The following SLC4A1AP variants were observed in gnomAD, a reference collection of about 807,000 sequenced individuals.
SLC4A1AP encodes the protein solute carrier family 4 member 1 adaptor protein, also known as kanadaptin.
SLC4A1AP carries 64 observed loss-of-function variants against 89.7 expected under a neutral mutation model. That is an observed-to-expected ratio of 0.71 (90% confidence interval 0.58 to 0.88). The LOEUF (loss-of-function observed/expected upper bound fraction) is 0.88, where lower values mean the gene tolerates loss of function less well. Among genes scored for constraint, SLC4A1AP ranks in the 40% least tolerant of loss-of-function variants. The pLI, the probability that SLC4A1AP is intolerant of heterozygous loss-of-function variation, is 0.00. For synonymous variants in SLC4A1AP, 366 were observed against 353.3 expected (o/e 1.04, Z -0.40); for missense variants, 931 against 965.0 (o/e 0.96, Z 0.47).
intron 12 of SLC4A1AP, among the ~76,000 whole-genome samples, chr2:27,689,669 A>G (rs1027370611): frequency 1.3e-5 from 2 of 152,228 alleles, no homozygotes; most frequent in Non-Finnish European, 2.9e-5. Context: ...GGCATCTACC[A>G]AAATTCAGAC....
At chr2:27,677,619 A>G (rs1360555220) in intron 7 of SLC4A1AP, 119 bp from the exon 8 acceptor site, 6 of 800,156 alleles carry the variant, frequency 7.5e-6, no homozygotes, top group East Asian at 5.4e-5. Context: ...CCTTATTCCT[A>G]TTACTAGTGA....
At chr2:27,691,164 G>T (rs1205685897) in intron 12 of SLC4A1AP, among the ~76,000 whole-genome samples, 4 of 151,962 alleles carry the variant, frequency 2.6e-5, no homozygotes, top group African/African-American at 9.7e-5. Flanking sequence ...GAATCCTTCT[G>T]GTCCTGGGCT....
exon 13 of SLC4A1AP, chr2:27,693,725 C>T: frequency 1.9e-6 from 3 of 1,612,606 alleles, no homozygotes; most frequent in East Asian, 2.2e-5. Context: ...GAAGATGACC[C>T]AGACTACTGT....
chr2:27,694,606 G>A (rs762153751), intron 13 of SLC4A1AP, 28 bp from the exon 14 acceptor site: 5 of 1,514,782 alleles, frequency 3.3e-6, no homozygotes, highest in South Asian at 2.6e-5. Flanking sequence ...AGTAAATAAT[G>A]TATTTCTTTT....
intron 1 of SLC4A1AP, among the ~76,000 whole-genome samples, 196 bp from the exon 2 acceptor site, chr2:27,664,904 A>T (rs573064351): frequency 5.1e-4 from 63 of 122,996 alleles, no homozygotes; most frequent in African/African-American, 2.6e-3. Flanking sequence ...CCTGTCTCTT[A>T]AAAAAAAAAA....
rs144963294 is a variant in SLC4A1AP, at chr2:27,672,151, C to G, written c.1345+2764C>G. On this transcript the variant is annotated intron_variant, in intron 5 of 13. Coordinates refer to ENST00000613058, the Ensembl canonical transcript of SLC4A1AP. The stretch of plus-strand genomic sequence containing the variant: ...TGTGGGTCTATTTTTCTTCATTTTT[C>G]TGGGTACTTGTTGGATCCTTTTGAT... Among the ~76,000 whole-genome samples the G allele has an allele frequency of 3.8e-3, 578 of 152,094 alleles. 1 individual carries two copies. The highest frequency in any genetic ancestry group is 0.013 in the African/African-American group (558 of 41,504).
chr2:27,670,275 G>A (rs150144614), intron 5 of SLC4A1AP, among the ~76,000 whole-genome samples: 1 of 152,072 alleles, frequency 6.6e-6, no homozygotes, highest in Admixed American at 6.5e-5. Context: ...TGGGATTACA[G>A]GCATGAGCCA....
At chr2:27,667,161 G>A (rs1184790392) in intron 2 of SLC4A1AP, 107 bp from the exon 3 acceptor site, 67 of 1,238,554 alleles carry the variant, frequency 5.4e-5, no homozygotes, top group Non-Finnish European at 6.5e-5. Context: ...GAGCCACTGC[G>A]CCCAGCCTAA....
At chr2:27,678,074 GTAAC>G (rs1251011011) in intron 8 of SLC4A1AP, 150 bp downstream of exon 8, 2 of 525,218 alleles carry the variant, frequency 3.8e-6, no homozygotes, top group Non-Finnish European at 6.4e-6. Context: ...GTTTCATAGA[GTAAC>G]TAAAAACCTG....
At chr2:27,664,291 C>G in exon 1 of SLC4A1AP, 3 of 1,614,222 alleles carry the variant, frequency 1.9e-6, no homozygotes, top group Non-Finnish European at 2.5e-6. Context: ...ATCCTTGGCA[C>G]CCGTAGCTTG....
chr2:27,690,379 C>A (rs1021942457), intron 12 of SLC4A1AP, among the ~76,000 whole-genome samples: 1 of 152,180 alleles, frequency 6.6e-6, no homozygotes, highest in South Asian at 2.1e-4. Context: ...TAGCTTAGCT[C>A]CCACTTATAA....
chr2:27,679,523 A>C (rs1675583253), intron 8 of SLC4A1AP, among the ~76,000 whole-genome samples: 1 of 152,168 alleles, frequency 6.6e-6, no homozygotes, highest in Non-Finnish European at 1.5e-5. Flanking sequence ...AATGGCGTGA[A>C]CCAGGAAGGT....
chr2:27,665,012 C>T lies in SLC4A1AP; in HGVS notation c.826-88C>T, dbSNP rs1675285905. ...GTCAAGGCTGCAGTGAGGTGTATTACAGCCACTGCACTCCAGTCCAGCCTA... is the reference window on the plus strand; with the variant it reads ...GTCAAGGCTGCAGTGAGGTGTATTATAGCCACTGCACTCCAGTCCAGCCTA... On this transcript the variant is annotated intron_variant, in intron 1 of 13. Coordinates refer to ENST00000613058, the Ensembl canonical transcript of SLC4A1AP. 17 of 1,016,336 alleles carry T rather than the reference C, an allele frequency of 1.7e-5. 1 individual carries two copies. In the South Asian group the frequency reaches 2.6e-4, roughly 15 times the overall value. 63.0% of individuals were successfully genotyped at this position (1,016,336 alleles called of 1,614,324 possible). A position where few individuals can be genotyped will look rare whatever the true frequency, so the allele number is the denominator to read the frequency against.
chr2:27,666,052 C>G (rs1484219830), intron 2 of SLC4A1AP, among the ~76,000 whole-genome samples: 2 of 152,002 alleles, frequency 1.3e-5, no homozygotes, highest in African/African-American at 4.8e-5. Flanking sequence ...TTGATGTGTG[C>G]TGTAAATGCA....
chr2:27,677,365 G>GT lies in SLC4A1AP; in HGVS notation c.1576+2dup. 1 of 1,607,334 alleles carries GT rather than the reference G, an allele frequency of 6.2e-7. No homozygotes were observed. The highest frequency in any genetic ancestry group is 8.5e-7 in the Non-Finnish European group (1 of 1,174,160). On this transcript the variant is annotated splice_donor_variant, in intron 7 of 13. Transcript: ENST00000613058. LOFTEE classifies it high-confidence loss of function. ...GAGAGATTGAAAGCCTCAAGCCAAG[G>GT]TAAGTTTTTCATCAAATATTTATTA...
At chr2:27,694,674 T>C (rs1286710071) in exon 14 of SLC4A1AP, 2 of 1,580,746 alleles carry the variant, frequency 1.3e-6, no homozygotes, top group African/African-American at 1.3e-5. Flanking sequence ...ATGACAAGTA[T>C]GGCTATTGAT....
chr2:27,693,798 A>G (rs1370088706), intron 13 of SLC4A1AP, 44 bp downstream of exon 13: 1 of 1,399,686 alleles, frequency 7.1e-7, no homozygotes, highest in East Asian at 2.3e-5. Flanking sequence ...TCATTTATTT[A>G]TATTTTTGAA....
At chr2:27,687,284 T>C (rs755632899) in intron 10 of SLC4A1AP, among the ~76,000 whole-genome samples, 1 of 152,094 alleles carries the variant, frequency 6.6e-6, no homozygotes, top group Non-Finnish European at 1.5e-5. Flanking sequence ...TACAAACATA[T>C]ATATAACAAA....
chr2:27,664,122 G>T (rs367999649), exon 1 of SLC4A1AP: 14 of 1,614,034 alleles, frequency 8.7e-6, no homozygotes, highest in Non-Finnish European at 1.1e-5. Flanking sequence ...TCCTCAGCCG[G>T]ACTGCGGTGA....
Sources: allele counts gnomAD v4.1 joint callset (sites outside exome capture counted in the v4.1 genomes callset), GRCh38; gene constraint gnomAD v4.1.1; transcripts MANE v1.5; gene names NCBI Gene and HGNC (gene_info 2026-07-23, HGNC 2026-07-21).